AKAP13: variants seen among roughly 807,000 people sequenced by gnomAD.
AKAP13 encodes A-kinase anchoring protein 13.
In AKAP13, 80 loss-of-function variants were observed where a neutral mutation model predicts 264.5. The observed-to-expected ratio is 0.30, with a 90% confidence interval of 0.25 to 0.36. The LOEUF is 0.36. Ranked by LOEUF, AKAP13 falls within the 10% of genes least tolerant of loss-of-function variation. The probability of loss-of-function intolerance (pLI) is 1.00; values close to 1 mark genes in which losing one functional copy is unlikely to be tolerated. For synonymous variants in AKAP13, 1,380 were observed against 1,250.2 expected (o/e 1.10, Z -2.19); for missense variants, 3,712 against 3,435.2 (o/e 1.08, Z -2.01).
chr15:85,568,883 G>A lies in AKAP13; in HGVS notation c.663-6248G>A, dbSNP rs190402941. 2.8e-4 allele frequency among the ~76,000 whole-genome samples: 42 copies of A among 152,250 alleles called. 1 individual carries two copies. The highest frequency in any genetic ancestry group is 1.2e-3 in the East Asian group (6 of 5,184). On this transcript the variant is annotated intron_variant, in intron 5 of 36. Transcript: ENST00000394518. ...TTGAAACAGTTGTTTCTGATAGATT[G>A]GGGGGTAGTGAAGGCCCTAGGGTAA...
intron 2 of AKAP13, among the ~76,000 whole-genome samples, chr15:85,496,853 A>G (rs1159473727): frequency 6.6e-6 from 1 of 152,262 alleles, no homozygotes; most frequent in Non-Finnish European, 1.5e-5. Context: ...AAGGAAATCA[A>G]GGGTTCCTCC....
intron 1 of AKAP13, among the ~76,000 whole-genome samples, chr15:85,434,716 C>T (rs1051781711): frequency 6.6e-6 from 1 of 152,174 alleles, no homozygotes; most frequent in Non-Finnish European, 1.5e-5. Context: ...GGCACACTGA[C>T]ACCTCACACG....
chr15:85,544,309 C>G (rs1351137970), intron 5 of AKAP13, among the ~76,000 whole-genome samples: 2 of 152,160 alleles, frequency 1.3e-5, no homozygotes, highest in African/African-American at 4.8e-5. Flanking sequence ...CAAGAGGAAA[C>G]AGATTTCCTA....
At chr15:85,497,248 C>T (rs560704064) in intron 2 of AKAP13, among the ~76,000 whole-genome samples, 20 of 152,264 alleles carry the variant, frequency 1.3e-4, no homozygotes, top group African/African-American at 4.1e-4. Flanking sequence ...GACATTTGAT[C>T]TTAGAGGAAT....
intron 8 of AKAP13, among the ~76,000 whole-genome samples, chr15:85,627,266 G>A (rs1424881141): frequency 1.3e-5 from 2 of 152,108 alleles, no homozygotes; most frequent in African/African-American, 4.8e-5. Context: ...CTCAACATGG[G>A]CAAATGGAGT....
chr15:85,502,483 C>T (rs906222431), intron 2 of AKAP13, among the ~76,000 whole-genome samples: 2 of 152,176 alleles, frequency 1.3e-5, no homozygotes, highest in Admixed American at 6.5e-5. Context: ...TTCCTGCACA[C>T]CTTTATCAGT....
chr15:85,629,764 C>CTTTTTTTTTTTATTTTT (rs2081607780), intron 8 of AKAP13, among the ~76,000 whole-genome samples: 1 of 50,504 alleles, frequency 2.0e-5, no homozygotes, highest in Non-Finnish European at 3.7e-5. Flanking sequence ...CCTTTACAGC[C>CTTTTTTTTTTTATTTTT]TTTTTTTTTT....
At chr15:85,528,323 C>A (rs1349108348) in intron 3 of AKAP13, among the ~76,000 whole-genome samples, 1 of 152,118 alleles carries the variant, frequency 6.6e-6, no homozygotes, top group African/African-American at 2.4e-5. Flanking sequence ...TTTGTTTATT[C>A]TTTCCCTCCT....
chr15:85,694,035 G>C (rs887706656), intron 17 of AKAP13, among the ~76,000 whole-genome samples: 4 of 152,170 alleles, frequency 2.6e-5, no homozygotes, highest in African/African-American at 9.7e-5. Context: ...TCTGTTCTAT[G>C]ATCTCTAAAC....
intron 2 of AKAP13, 145 bp from the exon 3 acceptor site, chr15:85,521,283 A>G (rs1452099522): frequency 6.4e-6 from 6 of 940,430 alleles, no homozygotes; most frequent in Non-Finnish European, 8.2e-6. Flanking sequence ...TAAGTGCTCA[A>G]TCTTTATACT....
chr15:85,648,547 T>C (rs755143760), intron 10 of AKAP13, among the ~76,000 whole-genome samples: 12 of 152,134 alleles, frequency 7.9e-5, no homozygotes, highest in Admixed American at 2.6e-4. Flanking sequence ...ATTAGACATA[T>C]AATTTTTAAA....
rs2151796623 is a variant in AKAP13, at chr15:85,745,446, CATCAGATCCAGAAGAA to C, written c.*772_*787del. ...AACAACCCATAGTATCTCATTCTGT[CATCAGATCCAGAAGAA>C]ATATCCTGGTTTTCCAGCATGTTTA... On this transcript the variant is annotated 3_prime_UTR_variant, in exon 37 of 37. Transcript: ENST00000394518. The C allele has an allele frequency of 1.3e-5, 2 of 152,294 alleles. No homozygotes were observed. Among genetic ancestry groups the C allele is most frequent in the South Asian group, 4.1e-4 (2 of 4,822 alleles). The allele number at this position is 152,294 out of a possible 1,614,324, so 9.4% of individuals were successfully genotyped here. A position where few individuals can be genotyped will look rare whatever the true frequency, so the allele number is the denominator to read the frequency against.
intron 2 of AKAP13, among the ~76,000 whole-genome samples, chr15:85,491,962 C>T (rs1411929814): frequency 1.3e-5 from 2 of 152,158 alleles, no homozygotes; most frequent in African/African-American, 4.8e-5. Flanking sequence ...CATAAGGAAA[C>T]ATAAGGTTAA....
intron 9 of AKAP13, among the ~76,000 whole-genome samples, chr15:85,644,360 C>G (rs1442897722): frequency 6.6e-6 from 1 of 151,836 alleles, no homozygotes; most frequent in South Asian, 2.1e-4. Flanking sequence ...TCTGCCTCAG[C>G]CTCCCAAGTA....
chr15:85,584,628 A>G (rs963498637), intron 7 of AKAP13, among the ~76,000 whole-genome samples: 1 of 152,234 alleles, frequency 6.6e-6, no homozygotes, highest in Non-Finnish European at 1.5e-5. Flanking sequence ...AGATTATATA[A>G]TTATAAGGTC....
At chr15:85,505,015 G>A (rs1434091429) in intron 2 of AKAP13, among the ~76,000 whole-genome samples, 1 of 151,964 alleles carries the variant, frequency 6.6e-6, no homozygotes, top group Non-Finnish European at 1.5e-5. Context: ...AGCACCATCT[G>A]AACAATTTAG....
chr15:85,529,694 G>A (rs922541146), intron 3 of AKAP13, among the ~76,000 whole-genome samples: 6 of 152,214 alleles, frequency 3.9e-5, no homozygotes, highest in Admixed American at 6.5e-5. Flanking sequence ...ATTAATGTGA[G>A]AGAGTAGGCC....
At chr15:85,662,582 G>GGCAATGAAATGCTGTGCTCA in intron 12 of AKAP13, 1 of 999,490 alleles carries the variant, frequency 1.0e-6, no homozygotes, top group Non-Finnish European at 1.6e-6. Flanking sequence ...TGTGAGCACA[G>GGCAATGAAATGCTGTGCTCA]CATTTCATTG....
intron 5 of AKAP13, among the ~76,000 whole-genome samples, chr15:85,569,505 T>A (rs2078730105): frequency 6.7e-6 from 1 of 148,438 alleles, no homozygotes; most frequent in Non-Finnish European, 1.5e-5. Context: ...TAGGCTGCAG[T>A]GCAATGCATC....
Sources: allele counts gnomAD v4.1 joint callset (sites outside exome capture counted in the v4.1 genomes callset), GRCh38; gene constraint gnomAD v4.1.1; transcripts MANE v1.5; gene names NCBI Gene and HGNC (gene_info 2026-07-23, HGNC 2026-07-21).